The following EXOSC5 variants were observed in gnomAD, a reference collection of about 807,000 sequenced individuals.
The protein encoded by EXOSC5 is exosome complex component RRP46.
A neutral mutation model predicts 23.7 loss-of-function variants in EXOSC5; 15 were observed. That is an observed-to-expected ratio of 0.63 (90% confidence interval 0.42 to 0.97). EXOSC5 has a LOEUF of 0.97. EXOSC5 is among the 50% of genes least tolerant of loss of function. The pLI, the probability that EXOSC5 is intolerant of heterozygous loss-of-function variation, is 0.00. For synonymous variants in EXOSC5, 143 were observed against 140.9 expected (o/e 1.02, Z -0.11); for missense variants, 305 against 316.3 (o/e 0.96, Z 0.27).
intron 3 of EXOSC5, among the ~76,000 whole-genome samples, chr19:41,390,945 G>C (rs2039018826): frequency 2.0e-5 from 3 of 152,142 alleles, no homozygotes; most frequent in African/African-American, 2.4e-5. Context: ...TCTAATTCTA[G>C]TCCTCAACCT....
Position 41,392,851 on chromosome 19 carries a change from A to C in EXOSC5, c.262+16T>G, listed in dbSNP as rs1330073886. ...CAAACTGGGCACCACTCAGAGGTTC[A>C]GCAGGGCCCAATTACCAGGCAGCCC... On this transcript the variant is annotated intron_variant, in intron 2 of 5. Transcript: ENST00000221233. The C allele has an allele frequency of 6.2e-7, 1 of 1,612,598 alleles. No homozygotes were observed. Among genetic ancestry groups the C allele is most frequent in the South Asian group, 1.1e-5 (1 of 91,016 alleles).
chr19:41,390,183 C>G (rs1483148884), intron 3 of EXOSC5, among the ~76,000 whole-genome samples: 1 of 152,140 alleles, frequency 6.6e-6, no homozygotes, highest in African/African-American at 2.4e-5. Context: ...ATCCACCTGC[C>G]TCGGCCTCCC....
rs112156740 is a variant in EXOSC5 at position 41,396,972 on chromosome 19, T to C, written c.148+209A>G. 1.4e-4 allele frequency among the ~76,000 whole-genome samples: 22 copies of C among 152,214 alleles called. 1 individual carries two copies. The highest frequency in any genetic ancestry group is 5.1e-4 in the African/African-American group (21 of 41,532). The stretch of plus-strand genomic sequence containing the variant: ...CTGCCCCTCCTCTCATTCTCAGAGA[T>C]AGTTACAAAGATGGAACTATCTTCT... On this transcript the variant is annotated intron_variant, in intron 1 of 5. Coordinates refer to ENST00000221233, the MANE Select transcript of EXOSC5 (RefSeq NM_020158.4).
intron 1 of EXOSC5, among the ~76,000 whole-genome samples, chr19:41,395,960 G>A (rs891097478): frequency 2.4e-4 from 37 of 152,020 alleles, no homozygotes; most frequent in Non-Finnish European, 1.8e-4. Flanking sequence ...CAAACTATAC[G>A]TAAGTTTTGT....
rs774110065 is a variant in EXOSC5 at position 41,391,931 on chromosome 19, G to C, written c.294C>G (p.Ile98Met). Reference protein sequence around the residue: ...GVAEKSRERLIRNTCEAVVLG... With the variant: ...GVAEKSRERLMRNTCEAVVLG... ...GCACCACCGCCTCGCACGTGTTCCT[G>C]ATCAGCCGCTCCCGGCTCTTCTCTG... The change falls in exon 3 of 6, where the codon ATC (isoleucine) becomes ATG (methionine). Residue 98 changes from isoleucine (I) to methionine (M), a missense_variant. Ile to Met is a conservative substitution (Grantham distance 10). Coordinates refer to ENST00000221233, the MANE Select transcript of EXOSC5 (RefSeq NM_020158.4). 3.8e-6 allele frequency: 6 copies of C among 1,581,776 alleles called. No homozygotes were observed. The highest frequency in any genetic ancestry group is 5.1e-6 in the Non-Finnish European group (6 of 1,167,302).
intron 1 of EXOSC5, among the ~76,000 whole-genome samples, chr19:41,396,213 A>ATTTT (rs555938662): frequency 1.4e-5 from 2 of 145,436 alleles, no homozygotes; most frequent in African/African-American, 5.0e-5. Flanking sequence ...CGCTGTCTCA[A>ATTTT]TTTTTTTTTT....
At chr19:41,395,929 T>A (rs892007156) in intron 1 of EXOSC5, among the ~76,000 whole-genome samples, 1 of 152,192 alleles carries the variant, frequency 6.6e-6, no homozygotes, top group Non-Finnish European at 1.5e-5. Context: ...TATGCCTGAA[T>A]CTTTTTCCTC....
At chr19:41,388,748 G>A (rs2039002190) in intron 4 of EXOSC5, among the ~76,000 whole-genome samples, 1 of 152,148 alleles carries the variant, frequency 6.6e-6, no homozygotes, top group African/African-American at 2.4e-5. Context: ...AGAATAACTT[G>A]AGCTTAGGAC....
chr19:41,386,633 T>G lies in EXOSC5; in HGVS notation c.708A>C (p.Ter236CysextTer20). ...ESLQRRYSKS* is the reference protein window; with the variant it reads ...ESLQRRYSKSC Reference sequence around the variant, plus strand: ...GAGCGGCCCCTTGCCCCAGCTTGCCTCAGCTCTTGGAGTAACGCCTCTGCA... The same window carrying G: ...GAGCGGCCCCTTGCCCCAGCTTGCCGCAGCTCTTGGAGTAACGCCTCTGCA... Residue 236 changes from the stop codon to cysteine (C), a stop_lost, in exon 6 of 6, where the codon TGA becomes TGC. Transcript: ENST00000221233. 1 of 1,583,274 alleles carries G rather than the reference T, an allele frequency of 6.3e-7. No homozygotes were observed. The highest frequency in any genetic ancestry group is 1.3e-5 in the African/African-American group (1 of 74,468).
intron 1 of EXOSC5, among the ~76,000 whole-genome samples, chr19:41,396,869 G>A (rs1187229329): frequency 6.6e-6 from 1 of 151,356 alleles, no homozygotes; most frequent in East Asian, 1.9e-4. Flanking sequence ...GGGTGGAGGA[G>A]GAATCGAGTT....
chr19:41,390,572 C>A (rs1486735591), intron 3 of EXOSC5, among the ~76,000 whole-genome samples: 1 of 152,200 alleles, frequency 6.6e-6, no homozygotes, highest in African/African-American at 2.4e-5. Context: ...GAGGGGGAGG[C>A]ACTGGCAAAG....
intron 4 of EXOSC5, among the ~76,000 whole-genome samples, chr19:41,388,962 ATTTTT>A (rs931102634): frequency 1.3e-5 from 2 of 152,106 alleles, no homozygotes; most frequent in Non-Finnish European, 2.9e-5. Flanking sequence ...ATTTTATTTT[ATTTTT>A]GAGAGTTTCA....
chr19:41,394,959 G>A (rs1000891582), intron 1 of EXOSC5, among the ~76,000 whole-genome samples: 11 of 151,536 alleles, frequency 7.3e-5, no homozygotes, highest in Non-Finnish European at 1.5e-4. Flanking sequence ...GCTTGAACCC[G>A]GGAGGTGGAG....
At chr19:41,390,345 A>G (rs372904778) in intron 3 of EXOSC5, among the ~76,000 whole-genome samples, 5 of 152,302 alleles carry the variant, frequency 3.3e-5, no homozygotes, top group Middle Eastern at 3.4e-3. Context: ...AGTATGGCAG[A>G]GTGGTTAAAA....
intron 1 of EXOSC5, among the ~76,000 whole-genome samples, chr19:41,394,259 T>C (rs1232447854): frequency 1.3e-5 from 2 of 151,916 alleles, no homozygotes; most frequent in South Asian, 2.1e-4. Flanking sequence ...GTGCCTGTAA[T>C]CTCAGCTACT....
At chr19:41,391,322 T>C (rs1307578612) in intron 3 of EXOSC5, among the ~76,000 whole-genome samples, 1 of 152,104 alleles carries the variant, frequency 6.6e-6, no homozygotes, top group African/African-American at 2.4e-5. Flanking sequence ...AAGCTGACAT[T>C]GCACCACTGC....
chr19:41,393,700 C>T (rs561900561), intron 1 of EXOSC5, among the ~76,000 whole-genome samples: 1 of 152,108 alleles, frequency 6.6e-6, no homozygotes, highest in African/African-American at 2.4e-5. Flanking sequence ...GCTGGGATTA[C>T]AGGCGCGCGC....
At chr19:41,394,724 G>A (rs978764603) in intron 1 of EXOSC5, among the ~76,000 whole-genome samples, 9 of 151,912 alleles carry the variant, frequency 5.9e-5, no homozygotes, top group African/African-American at 2.2e-4. Flanking sequence ...CACCATGTTG[G>A]CCAATCTGGT....
rs1006394428 is a variant in EXOSC5, at chr19:41,387,660, T to C, written c.526-57A>G. ...CCTAGGACCTTCCCCTCAGATAAAA[T>C]CTCAGCCAGTCCTTTGGCCAGGCAC... On this transcript the variant is annotated intron_variant, in intron 4 of 5. Transcript: ENST00000221233. The C allele has an allele frequency of 8.4e-6, 11 of 1,306,886 alleles. No individual in the cohort carries two copies. The African/African-American group carries it at 1.5e-4, about 18-fold the overall frequency. 81.0% of individuals were successfully genotyped at this position (1,306,886 alleles called of 1,614,324 possible).
Sources: allele counts gnomAD v4.1 joint callset (sites outside exome capture counted in the v4.1 genomes callset), GRCh38; gene constraint gnomAD v4.1.1; transcripts MANE v1.5; gene names NCBI Gene and HGNC (gene_info 2026-07-23, HGNC 2026-07-21).